POTEE: variants seen among roughly 807,000 people sequenced by gnomAD.
The protein encoded by POTEE is ANKRD26-like family C member 1A.
A neutral mutation model predicts 74.2 loss-of-function variants in POTEE; 21 were observed. The ratio of observed to expected loss-of-function variants is 0.28; its 90% confidence interval spans 0.20 to 0.41. The LOEUF is 0.41. Among genes scored for constraint, POTEE ranks in the 10% least tolerant of loss-of-function variants. The probability of loss-of-function intolerance (pLI) is 1.00; values close to 1 mark genes in which losing one functional copy is unlikely to be tolerated. For missense variants in POTEE, 525 were observed against 1,158.6 expected (o/e 0.45, Z 7.94); for synonymous variants, 211 against 432.8 (o/e 0.49, Z 6.36).
chr2:131,235,846 G>A (rs531170318), intron 9 of POTEE, among the ~76,000 whole-genome samples: 145 of 150,366 alleles, frequency 9.6e-4, no homozygotes, highest in Non-Finnish European at 1.6e-3. Flanking sequence ...TGTCAGAATA[G>A]TGGAGGGAAA....
At chr2:131,233,087 G>C (rs539295189) in intron 9 of POTEE, among the ~76,000 whole-genome samples, 2 of 152,036 alleles carry the variant, frequency 1.3e-5, no homozygotes, top group African/African-American at 2.4e-5. Context: ...AAAGAATAAG[G>C]AATGGCTATT....
chr2:131,216,625 T>C (rs1413805845), intron 2 of POTEE, among the ~76,000 whole-genome samples: 1 of 151,494 alleles, frequency 6.6e-6, no homozygotes, highest in Middle Eastern at 3.2e-3. Flanking sequence ...TAAAGGTATT[T>C]ATAGCAACAA....
intron 4 of POTEE, among the ~76,000 whole-genome samples, chr2:131,221,691 A>G (rs1238377347): frequency 6.6e-6 from 1 of 152,210 alleles, no homozygotes; most frequent in African/African-American, 2.4e-5. Flanking sequence ...ATTTTATTGT[A>G]TATACATTTT....
chr2:131,218,032 C>T (rs1005661506), intron 3 of POTEE: 4 of 312,638 alleles, frequency 1.3e-5, no homozygotes, highest in South Asian at 1.2e-4. Flanking sequence ...TTGACGTTTC[C>T]TGCTTGGATT....
In POTEE at chr2:131,264,115, A is replaced by T. The variant is rs548382577; in HGVS notation, c.2660A>T (p.Asp887Val). 1 of 1,613,860 alleles carries T rather than the reference A, an allele frequency of 6.2e-7. No individual in the cohort carries two copies. Among genetic ancestry groups the T allele is most frequent in the African/African-American group, 1.3e-5 (1 of 75,056 alleles). Residue 887 changes from aspartate (D) to valine (V), a missense_variant, in exon 18 of 18, where the codon GAC (aspartate) becomes GTC (valine). Asp to Val is a radical substitution (Grantham distance 152). Transcript: ENST00000683005. ...RLDLAGRELP[D>V]YLMKILTERG... ...GACCTGGCTGGGCGGGAACTGCCTG[A>T]CTACCTCATGAAGATCCTCACCGAG...
At chr2:131,233,760 A>G (rs1282692015) in intron 9 of POTEE, among the ~76,000 whole-genome samples, 1 of 150,950 alleles carries the variant, frequency 6.6e-6, no homozygotes, top group Non-Finnish European at 1.5e-5. Flanking sequence ...GAGGCAGAAG[A>G]GCGGTATCGT....
At chr2:131,218,190 A>G (rs1402413109) in intron 3 of POTEE, 120 bp from the exon 4 acceptor site, 1 of 777,566 alleles carries the variant, frequency 1.3e-6, no homozygotes, top group Non-Finnish European at 1.8e-6. Flanking sequence ...GGGGTCGCCC[A>G]GGGGGGGCGT....
intron 9 of POTEE, among the ~76,000 whole-genome samples, chr2:131,236,477 G>A (rs1282640922): frequency 3.3e-4 from 50 of 151,090 alleles, no homozygotes; most frequent in African/African-American, 1.2e-3. Flanking sequence ...TGCTTCTACT[G>A]TATTTTAAAG....
chr2:131,219,256 A>G (rs1700540399), intron 4 of POTEE, among the ~76,000 whole-genome samples: 1 of 151,596 alleles, frequency 6.6e-6, no homozygotes, highest in Non-Finnish European at 1.5e-5. Flanking sequence ...AGAAAAGTGT[A>G]TATTGAGAAC....
In POTEE at chr2:131,264,011, G is replaced by C; in HGVS notation, c.2556G>C (p.Val852=). ...CCTCTGGCCGTACTACTGGCATCGT[G>C]ATGGACTCTGGTGACGGGGTCACCC... ...LYTSGRTTGI[V]MDSGDGVTHT... Residue 852 remains valine (V), a synonymous_variant, in exon 18 of 18, where the codon GTG becomes GTC. Transcript: ENST00000683005. 6.2e-7 allele frequency: 1 copy of C among 1,614,218 alleles called. No homozygotes were observed. Among genetic ancestry groups the C allele is most frequent in the Non-Finnish European group, 8.5e-7 (1 of 1,180,048 alleles).
intron 4 of POTEE, among the ~76,000 whole-genome samples, 149 bp from the exon 5 acceptor site, chr2:131,223,443 TAATA>T (rs908914659): frequency 1.0e-4 from 15 of 149,544 alleles, no homozygotes; most frequent in Non-Finnish European, 1.8e-4. Flanking sequence ...CAATGAGAGA[TAATA>T]AATAGTGTGC....
At position 131,211,179 on chromosome 2, in the gene POTEE, G is replaced by C. The variant is rs1343714377; in HGVS notation, c.-193G>C. On this transcript the variant is annotated 5_prime_UTR_variant, in exon 2 of 18. Transcript: ENST00000683005. Reference sequence around the variant, plus strand: ...AGCCACGGAGACTGCAGCTCGACAGGAGTGGTAGGAGGGTGCCCGCGGGGG... The same window carrying C: ...AGCCACGGAGACTGCAGCTCGACAGCAGTGGTAGGAGGGTGCCCGCGGGGG... Among the ~76,000 whole-genome samples, 1 of 151,760 alleles carries C rather than the reference G, an allele frequency of 6.6e-6. No homozygotes were observed. Among genetic ancestry groups the C allele is most frequent in the South Asian group, 2.1e-4 (1 of 4,822 alleles).
At chr2:131,243,270 GA>G (rs1210971242) in intron 12 of POTEE, among the ~76,000 whole-genome samples, 12 of 149,332 alleles carry the variant, frequency 8.0e-5, no homozygotes, top group African/African-American at 1.5e-4. Context: ...TTTTGTATTA[GA>G]AAAAAAAAAC....
chr2:131,213,296 C>T (rs1432939721), intron 2 of POTEE, among the ~76,000 whole-genome samples: 7 of 151,548 alleles, frequency 4.6e-5, no homozygotes, highest in East Asian at 2.0e-4. Context: ...CCTGCAGTGT[C>T]GAGCCCTCTT....
chr2:131,226,719 T>G, intron 6 of POTEE, 104 bp from the exon 7 acceptor site: 1 of 1,555,784 alleles, frequency 6.4e-7, no homozygotes. Context: ...TTATTTACTT[T>G]CTATGCGTGT....
intron 2 of POTEE, among the ~76,000 whole-genome samples, chr2:131,211,520 CTGTGTG>C (rs369206786): frequency 1.5e-3 from 73 of 50,262 alleles, no homozygotes; most frequent in African/African-American, 4.0e-3. Context: ...TAGGGGGTGA[CTGTGTG>C]TGTGTGTGTG....
intron 10 of POTEE, among the ~76,000 whole-genome samples, chr2:131,237,844 A>G (rs1157023834): frequency 9.2e-5 from 14 of 152,278 alleles, no homozygotes; most frequent in Non-Finnish European, 1.9e-4. Flanking sequence ...CTGCTGATTC[A>G]TTTTTGGTAG....
chr2:131,216,292 C>T (rs947508012), intron 2 of POTEE, among the ~76,000 whole-genome samples: 1 of 152,154 alleles, frequency 6.6e-6, no homozygotes, highest in Non-Finnish European at 1.5e-5. Flanking sequence ...AATGCAACCG[C>T]TGTCAAATTC....
chr2:131,253,999 GAC>G (rs1455620255), intron 16 of POTEE, among the ~76,000 whole-genome samples: 1,657 of 151,380 alleles, frequency 0.011, no homozygotes, highest in African/African-American at 0.039. Context: ...TTAGTTTGAT[GAC>G]ACATCTTAAG....
Sources: allele counts gnomAD v4.1 joint callset (sites outside exome capture counted in the v4.1 genomes callset), GRCh38; gene constraint gnomAD v4.1.1; transcripts MANE v1.5; gene names NCBI Gene and HGNC (gene_info 2026-07-23, HGNC 2026-07-21).